The following MTUS2 variants were observed in gnomAD, a reference collection of about 807,000 sequenced individuals.
The protein encoded by MTUS2 is microtubule-associated tumor suppressor candidate 2.
A neutral mutation model predicts 114.1 loss-of-function variants in MTUS2; 40 were observed. The ratio of observed to expected loss-of-function variants is 0.35; its 90% CI spans 0.27 to 0.46. The LOEUF is 0.46. Among genes scored for constraint, MTUS2 ranks in the 20% least tolerant of loss-of-function variants. The pLI, the probability that MTUS2 is intolerant of heterozygous loss-of-function variation, is 1.00. For synonymous variants in MTUS2, 688 were observed against 672.0 expected, an observed-to-expected ratio of 1.02 and a Z score of -0.37; for missense variants, 1,679 against 1,705.4, an observed-to-expected ratio of 0.98 and a Z score of 0.27.
intron 7 of MTUS2, among the ~76,000 whole-genome samples, chr13:29,341,561 G>A (rs2138121572): frequency 6.6e-6 from 1 of 152,206 alleles, no homozygotes; most frequent in East Asian, 1.9e-4. Flanking sequence ...CAGATGCATA[G>A]TTTGCAAAGA....
intron 2 of MTUS2, among the ~76,000 whole-genome samples, chr13:28,840,324 TA>T (rs1875387254): frequency 1.3e-5 from 2 of 152,170 alleles, no homozygotes; most frequent in Non-Finnish European, 2.9e-5. Flanking sequence ...TCCATTAAAC[TA>T]AGAGCAGAAG....
intron 5 of MTUS2, among the ~76,000 whole-genome samples, chr13:29,163,156 T>C (rs902911153): frequency 6.6e-6 from 1 of 152,206 alleles, no homozygotes; most frequent in Non-Finnish European, 1.5e-5. Context: ...AGATAAATAA[T>C]ATTTTAATGT....
At chr13:29,501,258 C>A in intron 15 of MTUS2, 64 bp downstream of exon 15, 4 of 1,246,380 alleles carry the variant, frequency 3.2e-6, no homozygotes, top group African/African-American at 3.0e-5. Flanking sequence ...GTTGCAACAT[C>A]CAGTTTCCCT....
At chr13:29,363,794 G>T (rs1391363248) in intron 8 of MTUS2, among the ~76,000 whole-genome samples, 1 of 152,082 alleles carries the variant, frequency 6.6e-6, no homozygotes, top group African/African-American at 2.4e-5. Context: ...TAGGTAGGGA[G>T]GATTCAAAAA....
chr13:29,083,288 G>T (rs1047950291), intron 4 of MTUS2, among the ~76,000 whole-genome samples: 1 of 152,172 alleles, frequency 6.6e-6, no homozygotes, highest in African/African-American at 2.4e-5. Context: ...AATGTCGAAT[G>T]AATGCCTTCA....
chr13:28,820,284 A>T (rs2137910024), upstream of MTUS2: 1 of 146,494 alleles, frequency 6.8e-6, no homozygotes, highest in South Asian at 2.1e-4. Context: ...GCCTGCGCCG[A>T]GGTGAGTGCG....
chr13:28,992,816 C>T lies in MTUS2; in HGVS notation c.-242-31641C>T, dbSNP rs567142697. The stretch of plus-strand genomic sequence containing the variant: ...TTTAGTGGCATTAACTACATTGAAC[C>T]ATCACCACCATCCGTCTCCAGAAGT... On this transcript the variant is annotated intron_variant, in intron 2 of 15. Transcript: ENST00000612955. Among the ~76,000 whole-genome samples, 19 of 152,266 alleles carry T rather than the reference C, an allele frequency of 1.2e-4. No individual in the cohort carries two copies. In the South Asian group the frequency reaches 3.7e-3, roughly 30 times the overall value.
At chr13:29,047,620 T>C (rs1320545176) in intron 4 of MTUS2, among the ~76,000 whole-genome samples, 2 of 151,890 alleles carry the variant, frequency 1.3e-5, no homozygotes, top group Non-Finnish European at 2.9e-5. Flanking sequence ...TTCATGCCAT[T>C]CTCCTGCCTC....
intron 5 of MTUS2, among the ~76,000 whole-genome samples, chr13:29,150,663 T>G (rs1408407307): frequency 6.6e-6 from 1 of 152,202 alleles, no homozygotes; most frequent in East Asian, 1.9e-4. Flanking sequence ...AAGATTTTTA[T>G]AGTTTACATC....
intron 5 of MTUS2, among the ~76,000 whole-genome samples, chr13:29,159,579 T>C (rs1417800449): frequency 1.3e-5 from 2 of 151,888 alleles, no homozygotes; most frequent in African/African-American, 2.4e-5. Flanking sequence ...CACAGACTAA[T>C]AGAAGATATT....
At chr13:29,034,231 A>G in intron 4 of MTUS2, 106 bp downstream of exon 4, 1 of 1,466,972 alleles carries the variant, frequency 6.8e-7, no homozygotes. Context: ...TCCTTTAAGG[A>G]GAGCCTTTTT....
chr13:28,900,674 A>G (rs915711373), intron 2 of MTUS2, among the ~76,000 whole-genome samples: 2 of 152,210 alleles, frequency 1.3e-5, no homozygotes, highest in Non-Finnish European at 2.9e-5. Flanking sequence ...GTCCATCTAA[A>G]GGACATCTAG....
intron 11 of MTUS2, chr13:29,488,208 G>A (rs960020173): frequency 3.5e-6 from 2 of 575,806 alleles, no homozygotes; most frequent in African/African-American, 3.8e-5. Flanking sequence ...TTCCTCCAAT[G>A]CAGTTATCCT....
chr13:28,830,444 G>T (rs1451986749), intron 1 of MTUS2, among the ~76,000 whole-genome samples: 1 of 151,922 alleles, frequency 6.6e-6, no homozygotes, highest in Non-Finnish European at 1.5e-5. Flanking sequence ...TATCAATAAA[G>T]GGGGAAATTG....
At chr13:29,224,552 G>C (rs1896033481) in intron 5 of MTUS2, among the ~76,000 whole-genome samples, 1 of 151,654 alleles carries the variant, frequency 6.6e-6, no homozygotes, top group Admixed American at 6.6e-5. Flanking sequence ...TTGTTTTATA[G>C]CTGTTTTGTT....
intron 5 of MTUS2, among the ~76,000 whole-genome samples, chr13:29,148,716 G>T (rs1268750711): frequency 1.5e-5 from 1 of 65,774 alleles, no homozygotes; most frequent in Non-Finnish European, 4.6e-5. Flanking sequence ...CTGACCTCGT[G>T]ATCCGCCCGC....
At chr13:29,074,723 C>G (rs974005273) in intron 4 of MTUS2, among the ~76,000 whole-genome samples, 1 of 152,044 alleles carries the variant, frequency 6.6e-6, no homozygotes, top group Non-Finnish European at 1.5e-5. Flanking sequence ...GATCTTGTTC[C>G]CAGTTTTCTG....
chr13:29,170,053 T>C (rs776678280), intron 5 of MTUS2, among the ~76,000 whole-genome samples: 3 of 42,020 alleles, frequency 7.1e-5, no homozygotes, highest in Non-Finnish European at 1.1e-4. Context: ...GATGAGAGCA[T>C]GGAGAAAGAA....
At chr13:29,267,885 A>G (rs1396403171) in intron 5 of MTUS2, among the ~76,000 whole-genome samples, 1 of 152,252 alleles carries the variant, frequency 6.6e-6, no homozygotes, top group Non-Finnish European at 1.5e-5. Flanking sequence ...GGGGGTGCTC[A>G]GAAGCTTCTG....
Sources: gnomAD v4.1 joint callset for allele counts (sites outside exome capture counted in the v4.1 genomes callset) on GRCh38, gnomAD v4.1.1 for gene constraint, MANE v1.5 for transcripts, NCBI Gene and HGNC (gene_info 2026-07-23, HGNC 2026-07-21) for gene names.